The following DPP6 variants were observed in gnomAD, a reference collection of about 807,000 sequenced individuals.
DPP6 encodes dipeptidyl peptidase like 6.
Under a neutral mutation model 122.6 loss-of-function variants are expected in DPP6, and 69 were observed. The observed-to-expected ratio is 0.56, with a 90% CI of 0.46 to 0.69. DPP6 has a LOEUF of 0.69. Ranked by LOEUF, DPP6 falls within the 30% of genes least tolerant of loss-of-function variation. The pLI is 0.00. For missense variants in DPP6, 928 were observed against 1,116.9 expected (o/e 0.83, Z 2.41); for synonymous variants, 418 against 433.1 (o/e 0.97, Z 0.43).
intron 6 of DPP6, among the ~76,000 whole-genome samples, chr7:154,638,176 T>G (rs1469293204): frequency 6.6e-6 from 1 of 152,190 alleles, no homozygotes; most frequent in African/African-American, 2.4e-5. Context: ...CATTCCCCTC[T>G]GCTTTGTAAT....
At chr7:154,099,130 G>T (rs937254577) in intron 1 of DPP6, among the ~76,000 whole-genome samples, 2 of 151,192 alleles carry the variant, frequency 1.3e-5, no homozygotes, top group East Asian at 2.0e-4. Flanking sequence ...TCCATGTAAG[G>T]ATAGGGGCTC....
intron 1 of DPP6, among the ~76,000 whole-genome samples, chr7:154,369,099 C>T (rs374308311): frequency 6.6e-5 from 10 of 152,146 alleles, no homozygotes; most frequent in African/African-American, 2.2e-4. Flanking sequence ...TTCATTCGTT[C>T]GTTCGTTTGT....
rs182219000 is a variant in DPP6, at chr7:154,854,428, C to A, written c.1714+601C>A. 1.4e-3 allele frequency among the ~76,000 whole-genome samples: 212 copies of A among 152,248 alleles called. 3 individuals are homozygous for A. The highest frequency in any genetic ancestry group is 1.2e-3 in the East Asian group (6 of 5,170). On this transcript the variant is annotated intron_variant, in intron 17 of 25. Coordinates refer to ENST00000377770, the MANE Select transcript of DPP6 (RefSeq NM_130797.4). ...AAAGGGGTCCGTGGATGGAAAACTG[C>A]TAAGAGAAGGCATCAGTGGGAGGCG...
chr7:154,327,617 T>G (rs1270341842), intron 1 of DPP6, among the ~76,000 whole-genome samples: 2 of 152,194 alleles, frequency 1.3e-5, no homozygotes, highest in East Asian at 3.8e-4. Flanking sequence ...TAGGCCGTTG[T>G]GAAATTTCCT....
intron 6 of DPP6, among the ~76,000 whole-genome samples, chr7:154,659,814 G>A (rs545142221): frequency 6.6e-6 from 1 of 152,220 alleles, no homozygotes; most frequent in African/African-American, 2.4e-5. Context: ...AAGATTGAGA[G>A]GTTGAGAGAG....
At chr7:154,125,882 G>A (rs1322800111) in intron 1 of DPP6, among the ~76,000 whole-genome samples, 6 of 152,174 alleles carry the variant, frequency 3.9e-5, no homozygotes, top group Admixed American at 2.0e-4. Flanking sequence ...TTTGACACAA[G>A]TGTTTGCCAG....
intron 1 of DPP6, among the ~76,000 whole-genome samples, chr7:154,192,440 C>T (rs1439756096): frequency 1.3e-5 from 2 of 152,226 alleles, no homozygotes; most frequent in African/African-American, 4.8e-5. Flanking sequence ...CCAGGTATTG[C>T]ACCAGCACTG....
At chr7:153,978,956 T>C (rs1474943914) in intron 1 of DPP6, among the ~76,000 whole-genome samples, 1 of 152,166 alleles carries the variant, frequency 6.6e-6, no homozygotes, top group Non-Finnish European at 1.5e-5. Flanking sequence ...TGTAGCCTTA[T>C]AGTTTGAAGT....
At chr7:154,632,197 C>A (rs1205285965) in intron 5 of DPP6, among the ~76,000 whole-genome samples, 2 of 152,194 alleles carry the variant, frequency 1.3e-5, no homozygotes, top group African/African-American at 4.8e-5. Flanking sequence ...CTGTTTACAC[C>A]TCCACTGGTT....
At chr7:154,090,966 A>G (rs1804778325) in intron 1 of DPP6, among the ~76,000 whole-genome samples, 1 of 149,998 alleles carries the variant, frequency 6.7e-6, no homozygotes, top group African/African-American at 2.5e-5. Flanking sequence ...TAAAAATACA[A>G]AAAAATTAGC....
At chr7:154,732,754 G>T (rs770781733) in intron 8 of DPP6, among the ~76,000 whole-genome samples, 1 of 152,176 alleles carries the variant, frequency 6.6e-6, no homozygotes, top group African/African-American at 2.4e-5. Context: ...AAAAGTACTT[G>T]AAAAATGTGA....
chr7:154,301,704 G>A (rs542917446), intron 1 of DPP6, among the ~76,000 whole-genome samples: 9 of 151,734 alleles, frequency 5.9e-5, no homozygotes, highest in Admixed American at 5.3e-4. Flanking sequence ...GTTCTCTGGA[G>A]GCATACTGAT....
intron 1 of DPP6, among the ~76,000 whole-genome samples, chr7:154,104,880 TAAC>T (rs1384589906): frequency 1.3e-5 from 2 of 152,086 alleles, no homozygotes; most frequent in East Asian, 1.9e-4. Flanking sequence ...TGTGCCTACA[TAAC>T]AAACACTCAG....
At chr7:154,753,923 A>G (rs1463824116) in intron 8 of DPP6, among the ~76,000 whole-genome samples, 1 of 152,218 alleles carries the variant, frequency 6.6e-6, no homozygotes, top group Admixed American at 6.5e-5. Context: ...CACCTGCACA[A>G]GTTGAAAGGC....
intron 10 of DPP6, among the ~76,000 whole-genome samples, chr7:154,791,769 G>A (rs1797695718): frequency 6.6e-6 from 1 of 152,194 alleles, no homozygotes; most frequent in Admixed American, 6.5e-5. Flanking sequence ...ACAGTACTGT[G>A]ACTCCGCGGG....
At chr7:153,868,862 C>T in the DPP6 span, among the ~76,000 whole-genome samples, 9 of 152,142 alleles carry the variant, frequency 5.9e-5, no homozygotes, top group Admixed American at 1.3e-4. Flanking sequence ...TCTTTGTTCT[C>T]GTTGGTTTCA....
intron 12 of DPP6, among the ~76,000 whole-genome samples, chr7:154,798,128 A>G (rs1316192903): frequency 2.6e-5 from 4 of 152,224 alleles, no homozygotes; most frequent in Admixed American, 6.5e-5. Context: ...GTCCCCCTCA[A>G]GAGGCATTCT....
At chr7:154,113,477 A>T (rs2150590108) in intron 1 of DPP6, among the ~76,000 whole-genome samples, 1 of 152,286 alleles carries the variant, frequency 6.6e-6, no homozygotes, top group South Asian at 2.1e-4. Context: ...TATAATAGCA[A>T]CCCTCATAGG....
chr7:154,448,443 G>T (rs1335049173), intron 2 of DPP6, among the ~76,000 whole-genome samples: 1 of 152,064 alleles, frequency 6.6e-6, no homozygotes, highest in Non-Finnish European at 1.5e-5. Flanking sequence ...CTAAGTAAAT[G>T]GAAGTATATC....
Sources: allele counts gnomAD v4.1 joint callset (sites outside exome capture counted in the v4.1 genomes callset), GRCh38; gene constraint gnomAD v4.1.1; transcripts MANE v1.5; gene names NCBI Gene and HGNC (gene_info 2026-07-23, HGNC 2026-07-21).